Variants in DRAM1 observed in about 807,000 individuals in gnomAD.
DRAM1 encodes DNA damage regulated autophagy modulator 1.
Under a neutral mutation model 28.5 loss-of-function variants are expected in DRAM1, and 25 were observed. The observed-to-expected ratio is 0.88, with a 90% CI of 0.64 to 1.23. The LOEUF (loss-of-function observed/expected upper bound fraction) is 1.23. DRAM1 is among the 50% of genes most tolerant of loss of function. The pLI is 0.00. For missense variants in DRAM1, 249 were observed against 299.2 expected (o/e 0.83, Z 1.24); for synonymous variants, 113 against 114.2 (o/e 0.99, Z 0.07).
chr12:101,890,182 G>A (rs1056816121), intron 1 of DRAM1: 35 of 380,364 alleles, frequency 9.2e-5, no homozygotes, highest in Admixed American at 4.6e-4. Flanking sequence ...GGGTTCAAGC[G>A]ATTCTCCTGC....
chr12:101,896,288 CACTT>C (rs1177052058), intron 1 of DRAM1, among the ~76,000 whole-genome samples: 4 of 152,244 alleles, frequency 2.6e-5, no homozygotes, highest in African/African-American at 7.2e-5. Flanking sequence ...ATTCTTCAAA[CACTT>C]ACAAGTGCAT....
At chr12:101,909,555 A>C (rs1873960142) in intron 4 of DRAM1, among the ~76,000 whole-genome samples, 1 of 152,196 alleles carries the variant, frequency 6.6e-6, no homozygotes, top group South Asian at 2.1e-4. Context: ...GTGGCAAGAC[A>C]GTTTGATTTA....
intron 1 of DRAM1, among the ~76,000 whole-genome samples, chr12:101,884,272 C>T (rs993117472): frequency 2.0e-5 from 2 of 99,914 alleles, no homozygotes; most frequent in Admixed American, 9.2e-5. Context: ...ACCTACAGTC[C>T]CACTTACTCA....
chr12:101,882,401 C>T (rs1450853521), intron 1 of DRAM1, among the ~76,000 whole-genome samples: 1 of 151,122 alleles, frequency 6.6e-6, no homozygotes. Flanking sequence ...TGAGCCACCG[C>T]GCCCGGCCCC....
At chr12:101,908,596 A>T (rs1306403209) in intron 4 of DRAM1, among the ~76,000 whole-genome samples, 1 of 152,140 alleles carries the variant, frequency 6.6e-6, no homozygotes, top group East Asian at 1.9e-4. Context: ...ATGAGGGGGA[A>T]TTCTGGCCAA....
chr12:101,918,439 C>G (rs1874339718), intron 5 of DRAM1, among the ~76,000 whole-genome samples: 1 of 152,158 alleles, frequency 6.6e-6, no homozygotes, highest in Non-Finnish European at 1.5e-5. Context: ...AAGGAGGAAG[C>G]CTCTGTTCTG....
At chr12:101,879,770 C>T (rs1026814204) in intron 1 of DRAM1, among the ~76,000 whole-genome samples, 112 of 152,112 alleles carry the variant, frequency 7.4e-4, no homozygotes, top group African/African-American at 2.6e-3. Flanking sequence ...CCGAGGCTGG[C>T]GGATCATGAG....
At chr12:101,909,261 C>CAA in intron 4 of DRAM1, among the ~76,000 whole-genome samples, 1 of 141,870 alleles carries the variant, frequency 7.0e-6, no homozygotes, top group Non-Finnish European at 1.5e-5. Context: ...AACTCCGTCT[C>CAA]AAAAAAAAAA....
intron 3 of DRAM1, among the ~76,000 whole-genome samples, chr12:101,905,289 C>A (rs1472237862): frequency 6.6e-6 from 1 of 151,780 alleles, no homozygotes; most frequent in African/African-American, 2.4e-5. Flanking sequence ...GTATTTTTAC[C>A]TTTATTTTTT....
Position 101,921,230 on chromosome 12 carries a change from G to C in DRAM1, c.687G>C (p.Arg229Ser), listed in dbSNP as rs1874469680. 3 of 1,605,010 alleles carry C rather than the reference G, an allele frequency of 1.9e-6. No homozygotes were observed. The highest frequency in any genetic ancestry group is 2.2e-5 in the East Asian group (1 of 44,822). The change falls in exon 7 of 7, where the codon AGG becomes AGC. Residue 229 changes from arginine (R) to serine (S), a missense_variant. This residue lies in a region of DRAM1 where 16 missense variants were observed against 16.2 expected (regional missense o/e 0.99). Transcript: ENST00000258534. ...TTTAAAAATAGAGTGTCACCCTAAG[G>C]ATATCCACAGAAATCAATGGTGATA... Reference protein sequence around the residue: ...FIQDFQSVTLRISTEINGDI With the variant: ...FIQDFQSVTLSISTEINGDI
At chr12:101,918,909 T>C (rs2121175010) in intron 5 of DRAM1, among the ~76,000 whole-genome samples, 1 of 152,156 alleles carries the variant, frequency 6.6e-6, no homozygotes, top group East Asian at 1.9e-4. Context: ...GTTTTATTTA[T>C]TTTTATTTTA....
At chr12:101,895,310 T>G (rs560046246) in intron 1 of DRAM1, among the ~76,000 whole-genome samples, 6 of 148,612 alleles carry the variant, frequency 4.0e-5, no homozygotes, top group South Asian at 2.2e-4. Flanking sequence ...CCCGAGTAGC[T>G]TGGATTACAG....
chr12:101,895,186 GTTTTTTT>G (rs574722379), intron 1 of DRAM1, among the ~76,000 whole-genome samples: 13 of 75,732 alleles, frequency 1.7e-4, no homozygotes, highest in East Asian at 1.3e-3. Context: ...AACCCTTCAG[GTTTTTTT>G]TTTTTTTTTT....
intron 4 of DRAM1, among the ~76,000 whole-genome samples, chr12:101,909,864 C>T (rs1055716251): frequency 5.3e-5 from 8 of 152,158 alleles, no homozygotes; most frequent in African/African-American, 1.9e-4. Flanking sequence ...TTTCAAAATA[C>T]CATCTGTAGT....
At chr12:101,903,611 C>A (rs542294426) in intron 3 of DRAM1, among the ~76,000 whole-genome samples, 1 of 152,010 alleles carries the variant, frequency 6.6e-6, no homozygotes. Flanking sequence ...TATTACTGCA[C>A]AGTATGGTGA....
chr12:101,923,270 G>A lies in DRAM1; in HGVS notation c.*2010G>A, dbSNP rs1191104774. ...AGAAATGCCACATACCTTTCCCATG[G>A]GACCTGTGGTGGAATGAATCCATAC... On this transcript the variant is annotated 3_prime_UTR_variant, in exon 7 of 7. Coordinates refer to ENST00000258534, the MANE Select transcript of DRAM1 (RefSeq NM_018370.3). 6.6e-6 allele frequency: 1 copy of A among 152,146 alleles called. No homozygotes were observed. Among genetic ancestry groups the A allele is most frequent in the Non-Finnish European group, 1.5e-5 (1 of 68,028 alleles). The allele number at this position is 152,146 out of a possible 1,614,324, so 9.4% of individuals were successfully genotyped here.
Position 101,923,019 on chromosome 12 carries a change from GC to G in DRAM1, c.*1762del, listed in dbSNP as rs1196120231. The G allele has an allele frequency of 6.6e-6, 1 of 152,198 alleles. No homozygotes were observed. The highest frequency in any genetic ancestry group is 1.5e-5 in the Non-Finnish European group (1 of 68,044). 9.4% of individuals were successfully genotyped at this position (152,198 alleles called of 1,614,324 possible). ...AGGCTGAGGTGGGAGAATCACCTGA[GC>G]CCAGGAGGTGGAGGCTGCAGTGAGC... On this transcript the variant is annotated 3_prime_UTR_variant, in exon 7 of 7. Coordinates refer to ENST00000258534, the MANE Select transcript of DRAM1 (RefSeq NM_018370.3).
intron 1 of DRAM1, among the ~76,000 whole-genome samples, chr12:101,881,024 C>A (rs1403167237): frequency 6.6e-6 from 1 of 152,126 alleles, no homozygotes; most frequent in South Asian, 2.1e-4. Context: ...ACTGGATTGC[C>A]CCTGCCCGCT....
At chr12:101,919,304 A>G (rs1342453013) in intron 5 of DRAM1, among the ~76,000 whole-genome samples, 1 of 123,600 alleles carries the variant, frequency 8.1e-6, no homozygotes, top group Non-Finnish European at 1.6e-5. Flanking sequence ...ACACACACAC[A>G]CGGTTTTGTT....
Sources: allele counts gnomAD v4.1 joint callset (sites outside exome capture counted in the v4.1 genomes callset), GRCh38; gene constraint gnomAD v4.1.1; regional missense constraint gnomAD v4.1.1; transcripts MANE v1.5; gene names NCBI Gene and HGNC (gene_info 2026-07-23, HGNC 2026-07-21).